Variants in CNTNAP5 observed in about 807,000 individuals in gnomAD.
The protein encoded by CNTNAP5 is contactin associated protein family member 5.
CNTNAP5 carries 72 observed loss-of-function variants against 150.2 expected under a neutral mutation model. The observed-to-expected ratio is 0.48, with a 90% confidence interval of 0.40 to 0.58. The LOEUF (loss-of-function observed/expected upper bound fraction) is 0.58, where lower values mean the gene tolerates loss of function less well. CNTNAP5 is among the 20% of genes least tolerant of loss of function. The pLI, the probability that CNTNAP5 is intolerant of heterozygous loss-of-function variation, is 0.00. For synonymous variants in CNTNAP5, 672 were observed against 619.8 expected (o/e 1.08, Z -1.25); for missense variants, 1,636 against 1,626.2 (o/e 1.01, Z -0.10).
At chr2:124,212,272 A>G (rs765035042) in intron 1 of CNTNAP5, among the ~76,000 whole-genome samples, 1 of 152,164 alleles carries the variant, frequency 6.6e-6, no homozygotes, top group Non-Finnish European at 1.5e-5. Context: ...GCTTTTCTTC[A>G]GAACCAATAA....
At position 124,312,559 on chromosome 2, in the gene CNTNAP5, A is replaced by ATTTG. The variant is rs758725424; in HGVS notation, c.381+70190_381+70193dup. On this transcript the variant is annotated intron_variant, in intron 3 of 23. Transcript: ENST00000682447. ...TTTGTGGGGGTTTTTTTGTTTGTTTATTTGTTTGTTTGTTTGTTTGTTTGT... is the reference window on the plus strand; with the variant it reads ...TTTGTGGGGGTTTTTTTGTTTGTTTATTTGTTTGTTTGTTTGTTTGTTTGTTTGT... Among the ~76,000 whole-genome samples, 313 of 144,762 alleles carry ATTTG rather than the reference A, an allele frequency of 2.2e-3. 6 individuals are homozygous for ATTTG. Among genetic ancestry groups the ATTTG allele is most frequent in the Admixed American group, 0.016 (236 of 14,476 alleles). 95.0% of individuals were successfully genotyped at this position (144,762 alleles called of 152,430 possible). A position where few individuals can be genotyped will look rare whatever the true frequency, so the allele number is the denominator to read the frequency against.
At chr2:124,538,883 C>T (rs1185893792) in intron 10 of CNTNAP5, among the ~76,000 whole-genome samples, 1 of 152,158 alleles carries the variant, frequency 6.6e-6, no homozygotes, top group African/African-American at 2.4e-5. Flanking sequence ...CTCAATAAGC[C>T]TTCATCCAAC....
At chr2:124,188,828 T>C (rs1285097521) in intron 1 of CNTNAP5, among the ~76,000 whole-genome samples, 1 of 150,912 alleles carries the variant, frequency 6.6e-6, no homozygotes, top group Non-Finnish European at 1.5e-5. Context: ...CAGCACCAGG[T>C]AGAATTCAGC....
chr2:124,366,990 C>CA (rs1297575279), intron 3 of CNTNAP5, among the ~76,000 whole-genome samples: 2 of 152,160 alleles, frequency 1.3e-5, no homozygotes, highest in African/African-American at 4.8e-5. Flanking sequence ...CTGGGCCACA[C>CA]AATATGGCAC....
chr2:124,545,089 A>G (rs1485748241), intron 10 of CNTNAP5, among the ~76,000 whole-genome samples: 3 of 152,206 alleles, frequency 2.0e-5, no homozygotes, highest in Non-Finnish European at 4.4e-5. Context: ...TCTGTTACCC[A>G]GTTCAAAGTT....
chr2:124,085,974 C>T (rs540698016), intron 1 of CNTNAP5, among the ~76,000 whole-genome samples: 2 of 152,056 alleles, frequency 1.3e-5, no homozygotes. Context: ...CATTTGGCTG[C>T]GATTGAAGAC....
chr2:124,896,282 C>T (rs1399110656), intron 21 of CNTNAP5, among the ~76,000 whole-genome samples: 1 of 151,482 alleles, frequency 6.6e-6, no homozygotes, highest in East Asian at 1.9e-4. Context: ...TGCACACACA[C>T]ACACACATAC....
Position 124,266,086 on chromosome 2 carries a change from C to T in CNTNAP5, c.381+23693C>T, listed in dbSNP as rs550662901. On this transcript the variant is annotated intron_variant, in intron 3 of 23. Coordinates refer to ENST00000682447, the MANE Select transcript of CNTNAP5 (RefSeq NM_001367498.1). ...TAATCTTGCCAAAGCTTAGTCTCCTCATCTATAAAAAGAAAAATTAAATTA... is the reference window on the plus strand; with the variant it reads ...TAATCTTGCCAAAGCTTAGTCTCCTTATCTATAAAAAGAAAAATTAAATTA... Among the ~76,000 whole-genome samples the T allele has an allele frequency of 3.9e-5, 6 of 152,228 alleles. No individual in the cohort carries two copies. In the South Asian group the frequency reaches 1.0e-3, roughly 26 times the overall value.
At chr2:124,727,951 A>G (rs1296986260) in intron 13 of CNTNAP5, among the ~76,000 whole-genome samples, 1 of 152,070 alleles carries the variant, frequency 6.6e-6, no homozygotes, top group East Asian at 1.9e-4. Flanking sequence ...TTAGTCATAT[A>G]TGACCTTTAT....
At chr2:124,607,188 G>A (rs1255204851) in intron 11 of CNTNAP5, among the ~76,000 whole-genome samples, 1 of 152,144 alleles carries the variant, frequency 6.6e-6, no homozygotes, top group Non-Finnish European at 1.5e-5. Context: ...ATCTCAGAGT[G>A]TCTCTGGGAC....
At chr2:124,756,912 A>G (rs1680851102) in intron 14 of CNTNAP5, among the ~76,000 whole-genome samples, 1 of 152,192 alleles carries the variant, frequency 6.6e-6, no homozygotes, top group Non-Finnish European at 1.5e-5. Context: ...TTGCACATGT[A>G]CCCCTGAAAT....
intron 2 of CNTNAP5, among the ~76,000 whole-genome samples, chr2:124,232,195 A>G (rs1686639598): frequency 6.6e-6 from 1 of 152,178 alleles, no homozygotes; most frequent in Non-Finnish European, 1.5e-5. Context: ...TAAGAATAGA[A>G]TTAAGAGCAT....
chr2:124,759,702 C>T (rs1185100800), intron 14 of CNTNAP5, among the ~76,000 whole-genome samples: 1 of 151,740 alleles, frequency 6.6e-6, no homozygotes, highest in South Asian at 2.1e-4. Flanking sequence ...AGTTTCTGAA[C>T]ATTTTAAATA....
At chr2:124,882,563 T>C (rs1677985722) in intron 21 of CNTNAP5, among the ~76,000 whole-genome samples, 1 of 152,086 alleles carries the variant, frequency 6.6e-6, no homozygotes, top group South Asian at 2.1e-4. Flanking sequence ...GGCCAGATCT[T>C]CTCTATGAAG....
intron 11 of CNTNAP5, among the ~76,000 whole-genome samples, chr2:124,577,097 A>T (rs1367300906): frequency 6.6e-6 from 1 of 152,224 alleles, no homozygotes; most frequent in African/African-American, 2.4e-5. Flanking sequence ...TCTTTTAGGT[A>T]GTAAAATGTA....
intron 13 of CNTNAP5, among the ~76,000 whole-genome samples, chr2:124,718,691 T>C (rs1038725979): frequency 1.3e-5 from 2 of 151,936 alleles, no homozygotes; most frequent in African/African-American, 4.8e-5. Context: ...ACATTAAGAA[T>C]GGGAAGTAAG....
intron 10 of CNTNAP5, among the ~76,000 whole-genome samples, chr2:124,536,533 A>T (rs1475463474): frequency 6.6e-6 from 1 of 152,132 alleles, no homozygotes; most frequent in Non-Finnish European, 1.5e-5. Flanking sequence ...TTTCTACATA[A>T]GACAACCAAT....
intron 13 of CNTNAP5, among the ~76,000 whole-genome samples, chr2:124,703,797 G>GAC (rs1679575969): frequency 6.6e-6 from 1 of 152,152 alleles, no homozygotes; most frequent in African/African-American, 2.4e-5. Flanking sequence ...AATGCCTGAT[G>GAC]ACATCAGAGA....
At chr2:124,765,042 A>T (rs1239423019) in intron 16 of CNTNAP5, among the ~76,000 whole-genome samples, 1 of 152,106 alleles carries the variant, frequency 6.6e-6, no homozygotes, top group Non-Finnish European at 1.5e-5. Flanking sequence ...TGAGAAAATA[A>T]TACTTTCTAT....
Sources: gnomAD v4.1 joint callset for allele counts (sites outside exome capture counted in the v4.1 genomes callset) on GRCh38, gnomAD v4.1.1 for gene constraint, MANE v1.5 for transcripts, NCBI Gene and HGNC (gene_info 2026-07-23, HGNC 2026-07-21) for gene names.